Variants in CAMKMT observed in about 807,000 individuals in gnomAD.
CAMKMT encodes the protein CaM KMT.
Under a neutral mutation model 48.0 loss-of-function variants are expected in CAMKMT, and 53 were observed. That is an observed-to-expected ratio of 1.10 (90% CI 0.89 to 1.39). CAMKMT has a LOEUF of 1.39. Ranked by LOEUF, CAMKMT falls within the 40% of genes most tolerant of loss-of-function variation. The pLI, the probability that CAMKMT is intolerant of heterozygous loss-of-function variation, is 0.00. For missense variants in CAMKMT, 428 were observed against 402.7 expected (o/e 1.06, Z -0.54); for synonymous variants, 165 against 152.3 (o/e 1.08, Z -0.61).
intron 9 of CAMKMT, among the ~76,000 whole-genome samples, chr2:44,758,578 A>C (rs1157823844): frequency 6.6e-6 from 1 of 152,190 alleles, no homozygotes. Flanking sequence ...AACTTAATAG[A>C]TGAAAACAAT....
chr2:44,392,701 T>C (rs1006922421), intron 3 of CAMKMT, among the ~76,000 whole-genome samples: 6 of 151,924 alleles, frequency 3.9e-5, no homozygotes, highest in African/African-American at 1.4e-4. Context: ...TATTCAGTAA[T>C]TCAAAAATAC....
At chr2:44,727,060 G>C (rs372689706) in intron 7 of CAMKMT, among the ~76,000 whole-genome samples, 26 of 152,140 alleles carry the variant, frequency 1.7e-4, no homozygotes, top group African/African-American at 6.3e-4. Flanking sequence ...TGGTGCCTCT[G>C]GCTTTGTTCT....
chr2:44,364,705 A>C (rs1443479081), intron 1 of CAMKMT, among the ~76,000 whole-genome samples: 1 of 152,202 alleles, frequency 6.6e-6, no homozygotes, highest in African/African-American at 2.4e-5. Flanking sequence ...GGCATACAAC[A>C]GTTAGTATTT....
intron 3 of CAMKMT, among the ~76,000 whole-genome samples, chr2:44,547,430 G>A (rs918755334): frequency 6.6e-6 from 1 of 152,146 alleles, no homozygotes; most frequent in African/African-American, 2.4e-5. Context: ...CGAGGCAGGA[G>A]GATCACCTGA....
chr2:44,672,204 T>C (rs1043222000), intron 3 of CAMKMT, among the ~76,000 whole-genome samples: 3 of 152,146 alleles, frequency 2.0e-5, no homozygotes, highest in African/African-American at 7.2e-5. Context: ...TTTGGATGTA[T>C]AATGGGGAGA....
At chr2:44,670,099 T>C (rs140037681) in intron 3 of CAMKMT, among the ~76,000 whole-genome samples, 48 of 152,368 alleles carry the variant, frequency 3.2e-4, no homozygotes, top group African/African-American at 1.1e-3. Flanking sequence ...GAATGTCTTA[T>C]ATATTCTGAA....
At chr2:44,386,623 T>C (rs751680914) in intron 2 of CAMKMT, among the ~76,000 whole-genome samples, 1 of 152,146 alleles carries the variant, frequency 6.6e-6, no homozygotes, top group African/African-American at 2.4e-5. Flanking sequence ...CAGTTTGTGC[T>C]CTTTCAGTCA....
At chr2:44,608,672 A>G (rs1375219563) in intron 3 of CAMKMT, among the ~76,000 whole-genome samples, 1 of 152,022 alleles carries the variant, frequency 6.6e-6, no homozygotes, top group African/African-American at 2.4e-5. Flanking sequence ...TCTCTTTTTG[A>G]CAATTTGTTT....
At chr2:44,628,140 A>T (rs899437138) in intron 3 of CAMKMT, among the ~76,000 whole-genome samples, 1 of 151,992 alleles carries the variant, frequency 6.6e-6, no homozygotes, top group African/African-American at 2.4e-5. Context: ...TAGAGATGGC[A>T]TCTCACTATG....
chr2:44,594,421 G>T (rs1199950048), intron 3 of CAMKMT, among the ~76,000 whole-genome samples: 2 of 152,144 alleles, frequency 1.3e-5, no homozygotes, highest in Non-Finnish European at 1.5e-5. Flanking sequence ...ACGCTACAAG[G>T]CTGCAGTAAC....
intron 3 of CAMKMT, among the ~76,000 whole-genome samples, chr2:44,399,904 T>C (rs1682208297): frequency 6.6e-6 from 1 of 152,162 alleles, no homozygotes; most frequent in Non-Finnish European, 1.5e-5. Flanking sequence ...CAATGCTTAC[T>C]TTCACTCCCA....
chr2:44,595,651 A>C (rs1670607702), intron 3 of CAMKMT, among the ~76,000 whole-genome samples: 1 of 152,244 alleles, frequency 6.6e-6, no homozygotes, highest in African/African-American at 2.4e-5. Flanking sequence ...GCTACTTTAA[A>C]GTTTAAAAAA....
chr2:44,518,773 A>G (rs1203068364), intron 3 of CAMKMT, among the ~76,000 whole-genome samples: 2 of 152,210 alleles, frequency 1.3e-5, no homozygotes, highest in South Asian at 4.1e-4. Flanking sequence ...GGGCTTAGCT[A>G]GGTAGACGTA....
chr2:44,423,168 CTATTT>C (rs151172854), intron 3 of CAMKMT, among the ~76,000 whole-genome samples: 5 of 150,602 alleles, frequency 3.3e-5, no homozygotes, highest in Non-Finnish European at 7.4e-5. Flanking sequence ...CATCAGGACT[CTATTT>C]TATTTTATTT....
chr2:44,456,876 C>T lies in CAMKMT; in HGVS notation c.376+66571C>T, dbSNP rs570568231. Reference sequence around the variant, plus strand: ...TAGTGTCTGGGATACTAACTCTTAACTCATTCAAGCAAGCTTCTCGGCTAT... The same window carrying T: ...TAGTGTCTGGGATACTAACTCTTAATTCATTCAAGCAAGCTTCTCGGCTAT... On this transcript the variant is annotated intron_variant, in intron 3 of 10. Coordinates refer to ENST00000378494, the MANE Select transcript of CAMKMT (RefSeq NM_024766.5). The T allele has an allele frequency of 8.4e-5, 29 of 346,566 alleles. No individual in the cohort carries two copies. The South Asian group carries it at 1.6e-3, about 20-fold the overall frequency. 21.5% of individuals were successfully genotyped at this position (346,566 alleles called of 1,614,324 possible). A position where few individuals can be genotyped will look rare whatever the true frequency, so the allele number is the denominator to read the frequency against.
intron 2 of CAMKMT, among the ~76,000 whole-genome samples, chr2:44,380,655 A>G (rs907220492): frequency 6.6e-6 from 1 of 152,218 alleles, no homozygotes; most frequent in Admixed American, 6.5e-5. Context: ...TTTTCCTATA[A>G]TTAGAACTAA....
intron 3 of CAMKMT, among the ~76,000 whole-genome samples, chr2:44,454,580 T>C (rs978977466): frequency 2.6e-5 from 4 of 152,182 alleles, no homozygotes; most frequent in Non-Finnish European, 5.9e-5. Flanking sequence ...AAGTTAGCTT[T>C]GCTTAGTAAC....
intron 3 of CAMKMT, among the ~76,000 whole-genome samples, chr2:44,422,612 C>G (rs753447006): frequency 3.3e-5 from 5 of 152,100 alleles, no homozygotes; most frequent in African/African-American, 4.8e-5. Context: ...TCACCTGTAT[C>G]TGTATTTTGC....
At chr2:44,589,883 T>TAAAAAAAAAAAAAAAAAA (rs1218817837) in intron 3 of CAMKMT, among the ~76,000 whole-genome samples, 1 of 23,252 alleles carries the variant, frequency 4.3e-5, no homozygotes, top group Non-Finnish European at 8.8e-5. Context: ...GAATGATCAA[T>TAAAAAAAAAAAAAAAAAA]AAAAAAAAAA....
Sources: gnomAD v4.1 joint callset for allele counts (sites outside exome capture counted in the v4.1 genomes callset) on GRCh38, gnomAD v4.1.1 for gene constraint, MANE v1.5 for transcripts, NCBI Gene and HGNC (gene_info 2026-07-23, HGNC 2026-07-21) for gene names.